TARM1: variants seen among roughly 807,000 people sequenced by gnomAD.
The protein encoded by TARM1 is T cell-interacting, activating receptor on myeloid cells 1, also known as T-cell-interacting, activating receptor on myeloid cells protein 1.
A neutral mutation model predicts 30.4 loss-of-function variants in TARM1; 24 were observed. The observed-to-expected ratio is 0.79, with a 90% CI of 0.57 to 1.11. TARM1 has a LOEUF of 1.11. Ranked by LOEUF, TARM1 falls within the 50% of genes least tolerant of loss-of-function variation. The pLI is 0.00. For synonymous variants in TARM1, 129 were observed against 138.9 expected, an observed-to-expected ratio of 0.93 and a Z score of 0.50; for missense variants, 323 against 332.8, an observed-to-expected ratio of 0.97 and a Z score of 0.23.
At chr19:54,078,448 G>T in intron 1 of TARM1, among the ~76,000 whole-genome samples, 1 of 151,124 alleles carries the variant, frequency 6.6e-6, no homozygotes, top group Non-Finnish European at 1.5e-5. Context: ...GCATGATCTC[G>T]GCTCACTGCA....
chr19:54,080,990 T>A (rs1434882100), intron 1 of TARM1, among the ~76,000 whole-genome samples: 3 of 151,780 alleles, frequency 2.0e-5, no homozygotes, highest in African/African-American at 7.3e-5. Context: ...TAAAATAAAA[T>A]AAAATAAAAT....
chr19:54,073,966 G>T lies in TARM1; in HGVS notation c.612C>A (p.Pro204=). Residue 204 remains proline, a synonymous_variant, in exon 4 of 5, where the codon CCC becomes CCA. Coordinates refer to ENST00000432826, the MANE Select transcript of TARM1 (RefSeq NM_001135686.3). ...YSCMYYQTKS[P]FWASEPSDQL... The stretch of plus-strand genomic sequence containing the variant: ...GATCACTGGGTTCTGAGGCCCAGAA[G>T]GGAGACTTTGTCTGGTAGTACATGC... 3 of 1,551,692 alleles carry T rather than the reference G, an allele frequency of 1.9e-6. No homozygotes were observed. The African/African-American group carries it at 4.1e-5, about 21-fold the overall frequency.
rs749593140 is a variant in TARM1 at position 54,074,140 on chromosome 19, G to A, written c.438C>T (p.Cys146=). The change falls in exon 4 of 5, where the codon TGC becomes TGT. Residue 146 remains cysteine, a synonymous_variant. Transcript: ENST00000432826. The part of the protein sequence containing the change: ...VTAGGRVTLQ[C]QKRDQLFVPI... The stretch of plus-strand genomic sequence containing the variant: ...GCACAAACAATTGGTCTCGCTTCTG[G>A]CACTGCAGAGTCACCCTTCCACCTG... The A allele has an allele frequency of 1.9e-6, 3 of 1,551,710 alleles. No individual in the cohort carries two copies. The highest frequency in any genetic ancestry group is 2.6e-6 in the Non-Finnish European group (3 of 1,146,994).
chr19:54,072,453 C>T (rs1270842113), intron 4 of TARM1, among the ~76,000 whole-genome samples: 2 of 152,070 alleles, frequency 1.3e-5, no homozygotes, highest in African/African-American at 2.4e-5. Flanking sequence ...GGGTAGACTT[C>T]GCATCCACGG....
intron 4 of TARM1, among the ~76,000 whole-genome samples, chr19:54,073,481 T>A (rs2071863862): frequency 6.7e-6 from 1 of 150,282 alleles, no homozygotes; most frequent in Non-Finnish European, 1.5e-5. Context: ...TGTTTTGTTG[T>A]TTTTGTTTTT....
intron 4 of TARM1, among the ~76,000 whole-genome samples, chr19:54,072,844 G>C (rs587688935): frequency 1.3e-5 from 2 of 151,956 alleles, no homozygotes; most frequent in East Asian, 3.9e-4. Flanking sequence ...CAGGCGTGGT[G>C]GCGGGCACAT....
intron 1 of TARM1, chr19:54,076,237 TTTTCTTTCCTTTC>T (rs1225809325): frequency 6.6e-7 from 1 of 1,508,200 alleles, no homozygotes; most frequent in Non-Finnish European, 8.8e-7. Context: ...CTTTCTTTCT[TTTTCTTTCCTTTC>T]TTTCTTTCTT....
intron 4 of TARM1, among the ~76,000 whole-genome samples, chr19:54,071,705 A>G (rs1225903730): frequency 6.6e-6 from 1 of 152,082 alleles, no homozygotes; most frequent in Non-Finnish European, 1.5e-5. Context: ...CTGTAATCCC[A>G]GCTACTCAGG....
In TARM1 at chr19:54,080,092, AAAGGAAGGAAGGAAGG is replaced by A. The variant is rs774286454; in HGVS notation, c.34+1199_34+1214del. Among the ~76,000 whole-genome samples, 5 of 58,526 alleles carry A rather than the reference AAAGGAAGGAAGGAAGG, an allele frequency of 8.5e-5. 1 individual carries two copies. Among genetic ancestry groups the A allele is most frequent in the East Asian group, 6.2e-4 (1 of 1,622 alleles). The allele number at this position is 58,526 out of a possible 152,430, so 38.4% of individuals were successfully genotyped here. A position where few individuals can be genotyped will look rare whatever the true frequency, so the allele number is the denominator to read the frequency against. On this transcript the variant is annotated intron_variant, in intron 1 of 4. Transcript: ENST00000432826. ...GAAGGAATGAAGGAGAAAGAGAAAGAAAGGAAGGAAGGAAGGAAGGAAGGAAGGAAGGAAGGAAGGA... is the reference window on the plus strand; with the variant it reads ...GAAGGAATGAAGGAGAAAGAGAAAGAAAGGAAGGAAGGAAGGAAGGAAGGA...
intron 1 of TARM1, among the ~76,000 whole-genome samples, chr19:54,079,679 C>T (rs2072047397): frequency 6.6e-6 from 1 of 151,796 alleles, no homozygotes; most frequent in Non-Finnish European, 1.5e-5. Context: ...TAGTGAGATC[C>T]CGTCTCTACA....
At chr19:54,080,488 A>G (rs1408068385) in intron 1 of TARM1, among the ~76,000 whole-genome samples, 2 of 75,696 alleles carry the variant, frequency 2.6e-5, no homozygotes, top group Admixed American at 3.1e-4. Context: ...GAGAGAGAGG[A>G]AGGAAGGGAG....
chr19:54,076,506 G>T, intron 1 of TARM1: 1 of 368,648 alleles, frequency 2.7e-6, no homozygotes, highest in South Asian at 3.4e-5. Context: ...GGGATCACAG[G>T]CATGCGCCAG....
At chr19:54,071,047 T>A (rs545718979) in intron 4 of TARM1, among the ~76,000 whole-genome samples, 3 of 151,960 alleles carry the variant, frequency 2.0e-5, no homozygotes, top group South Asian at 4.2e-4. Context: ...AACCTCCACC[T>A]CCTGGGTTCA....
At position 54,070,133 on chromosome 19, in the gene TARM1, T is replaced by G; in HGVS notation, c.686A>C (p.Tyr229Ser). ...TVPPGTTSSNYSLGNFVRLGL... is the reference protein window; with the variant it reads ...TVPPGTTSSNSSLGNFVRLGL... ...CAGTCGTACGAAGTTACCCAGGGAGTAGTTGCTCGATGTGGTACCTGGGGG... is the reference window on the plus strand; with the variant it reads ...CAGTCGTACGAAGTTACCCAGGGAGGAGTTGCTCGATGTGGTACCTGGGGG... The change falls in exon 5 of 5, where the codon TAC (tyrosine) becomes TCC (serine). Residue 229 changes from tyrosine (Y) to serine (S), a missense_variant. Transcript: ENST00000432826. The G allele has an allele frequency of 6.4e-7, 1 of 1,551,410 alleles. No homozygotes were observed. Among genetic ancestry groups the G allele is most frequent in the Non-Finnish European group, 8.7e-7 (1 of 1,146,928 alleles).
Position 54,074,920 on chromosome 19 carries a change from C to G in TARM1, c.265G>C (p.Val89Leu). ...CAGGTGTACTCTCCAGCATTTCTGA[C>G]TTTTAGATTATTGAGGTGAAATTCG... is the stretch of plus-strand genomic sequence containing the variant. ...AAEFHLNNLKVRNAGEYTCEY... is the reference protein window; with the variant it reads ...AAEFHLNNLKLRNAGEYTCEY... The change falls in exon 3 of 5, where the codon GTC becomes CTC. Residue 89 changes from valine to leucine, a missense_variant. Transcript: ENST00000432826. The G allele has an allele frequency of 6.4e-7, 1 of 1,551,606 alleles. No homozygotes were observed.
intron 3 of TARM1, 78 bp downstream of exon 3, chr19:54,074,746 C>T (rs1288974792): frequency 2.1e-5 from 31 of 1,442,498 alleles, no homozygotes; most frequent in Non-Finnish European, 2.8e-5. Context: ...AGGTGGGACC[C>T]CTTTTCTCCC....
At chr19:54,080,350 C>G (rs1163651924) in intron 1 of TARM1, among the ~76,000 whole-genome samples, 1 of 149,100 alleles carries the variant, frequency 6.7e-6, no homozygotes, top group African/African-American at 2.5e-5. Flanking sequence ...CCCAGCTACT[C>G]GGGAGGCTGA....
intron 4 of TARM1, among the ~76,000 whole-genome samples, chr19:54,073,229 T>C (rs2071853884): frequency 6.6e-6 from 1 of 151,588 alleles, no homozygotes; most frequent in African/African-American, 2.4e-5. Flanking sequence ...GTCAACACGG[T>C]GAAACCTTCA....
At chr19:54,073,232 A>C (rs2071853944) in intron 4 of TARM1, among the ~76,000 whole-genome samples, 1 of 151,648 alleles carries the variant, frequency 6.6e-6, no homozygotes. Context: ...AACACGGTGA[A>C]ACCTTCATCG....
Sources: allele counts gnomAD v4.1 joint callset (sites outside exome capture counted in the v4.1 genomes callset), GRCh38; gene constraint gnomAD v4.1.1; transcripts MANE v1.5; gene names NCBI Gene and HGNC (gene_info 2026-07-23, HGNC 2026-07-21).